The following SH3KBP1 variants were observed in gnomAD, a reference collection of about 807,000 sequenced individuals.
SH3KBP1 encodes the protein SH3 domain containing kinase binding protein 1.
SH3KBP1 carries 8 observed loss-of-function variants against 50.1 expected under a neutral mutation model. The observed-to-expected ratio is 0.16, with a 90% CI of 0.09 to 0.29. The LOEUF is 0.29. Among genes scored for constraint, SH3KBP1 ranks in the 10% least tolerant of loss-of-function variants. The probability of loss-of-function intolerance (pLI) is 1.00; values close to 1 mark genes in which losing one functional copy is unlikely to be tolerated. For missense variants in SH3KBP1, 377 were observed against 535.2 expected (o/e 0.70, Z 2.92); for synonymous variants, 227 against 218.6 (o/e 1.04, Z -0.34).
At chrX:19,833,264 G>C (rs1365536746) in intron 2 of SH3KBP1, among the ~76,000 whole-genome samples, 2 of 93,502 alleles carry the variant, frequency 2.1e-5, no homozygotes, top group African/African-American at 8.2e-5. Context: ...TCCTTCCCAG[G>C]GTCCCCCTAC....
intron 8 of SH3KBP1, among the ~76,000 whole-genome samples, chrX:19,611,956 G>GAAAAAAAAAAAAAAAAAAAA (rs3036638): frequency 5.3e-5 from 2 of 38,051 alleles, no homozygotes; most frequent in African/African-American, 2.0e-4. Flanking sequence ...AGCAGAAGTA[G>GAAAAAAAAAAAAAAAAAAAA]AAAAAAAAAA....
chrX:19,630,042 A>G (rs1381246357), intron 8 of SH3KBP1, among the ~76,000 whole-genome samples: 3 of 112,198 alleles, frequency 2.7e-5, no homozygotes, highest in Non-Finnish European at 5.6e-5. Flanking sequence ...AATCATCAAG[A>G]TGAATGTGTT....
intron 15 of SH3KBP1, among the ~76,000 whole-genome samples, chrX:19,543,819 G>T (rs1437957945): frequency 9.0e-6 from 1 of 111,532 alleles, no homozygotes; most frequent in African/African-American, 3.3e-5. Context: ...GGCCGAGGAA[G>T]AAGGACAGTC....
At chrX:19,595,478 G>A (rs1387744741) in intron 9 of SH3KBP1, among the ~76,000 whole-genome samples, 4 of 112,593 alleles carry the variant, frequency 3.6e-5, no homozygotes, top group African/African-American at 1.3e-4. Context: ...CAAGCCTTCT[G>A]CCCCTTTCTA....
At chrX:19,730,818 C>T (rs1038850505) in intron 3 of SH3KBP1, among the ~76,000 whole-genome samples, 2 of 111,960 alleles carry the variant, frequency 1.8e-5, no homozygotes, top group African/African-American at 6.5e-5. Flanking sequence ...AGGAAAAGCC[C>T]AGAAATGAAG....
chrX:19,656,704 T>C (rs1489471830), intron 6 of SH3KBP1, among the ~76,000 whole-genome samples: 1 of 111,892 alleles, frequency 8.9e-6, no homozygotes, highest in East Asian at 2.8e-4. Flanking sequence ...ACAGTGCAGG[T>C]GTCTCTCAGT....
chrX:19,853,818 C>T (rs1050455800), intron 1 of SH3KBP1, among the ~76,000 whole-genome samples: 4 of 110,229 alleles, frequency 3.6e-5, no homozygotes, highest in African/African-American at 1.3e-4. Flanking sequence ...CAAAATTAGC[C>T]GGGCGTGGTG....
At chrX:19,751,584 A>G (rs1451305658) in intron 2 of SH3KBP1, among the ~76,000 whole-genome samples, 1 of 111,888 alleles carries the variant, frequency 8.9e-6, no homozygotes, top group Non-Finnish European at 1.9e-5. Context: ...GCTTCTCTTT[A>G]TCTCAGATCT....
At chrX:19,649,016 C>A (rs1251501075) in intron 6 of SH3KBP1, among the ~76,000 whole-genome samples, 1 of 111,799 alleles carries the variant, frequency 8.9e-6, no homozygotes, top group African/African-American at 3.3e-5. Flanking sequence ...AACTGAAGGT[C>A]AGCTACACTG....
intron 6 of SH3KBP1, among the ~76,000 whole-genome samples, chrX:19,678,973 C>G (rs1267905516): frequency 8.9e-6 from 1 of 111,765 alleles, no homozygotes; most frequent in Non-Finnish European, 1.9e-5. Flanking sequence ...AGCCTCTACA[C>G]ATCATCTGTG....
chrX:19,769,136 G>A (rs1215183731), intron 2 of SH3KBP1, among the ~76,000 whole-genome samples: 2 of 96,165 alleles, frequency 2.1e-5, no homozygotes, highest in Non-Finnish European at 4.0e-5. Context: ...CTAGAGTACA[G>A]AGCAGTGGCT....
chrX:19,706,764 C>T, intron 4 of SH3KBP1, 117 bp downstream of exon 4: 1 of 525,123 alleles, frequency 1.9e-6, no homozygotes. Context: ...ACTAGAGGAT[C>T]CCTAACTTCA....
chrX:19,856,204 T>C (rs1234290272), intron 1 of SH3KBP1, among the ~76,000 whole-genome samples: 1 of 111,507 alleles, frequency 9.0e-6, no homozygotes, highest in Non-Finnish European at 1.9e-5. Flanking sequence ...AAAACAAAAT[T>C]AACTTCAGAG....
At chrX:19,765,873 AGC>A (rs2065589372) in intron 2 of SH3KBP1, among the ~76,000 whole-genome samples, 1 of 111,963 alleles carries the variant, frequency 8.9e-6, no homozygotes, top group African/African-American at 3.3e-5. Context: ...ACCGCATTGT[AGC>A]ATGTGTCAGA....
intron 5 of SH3KBP1, among the ~76,000 whole-genome samples, chrX:19,690,060 CTT>C (rs1288057221): frequency 2.6e-4 from 17 of 64,381 alleles, no homozygotes; most frequent in African/African-American, 1.3e-3. Flanking sequence ...CTCTCTCTCT[CTT>C]TTTTTTTTTT....
At chrX:19,565,095 C>G (rs773732298) in intron 13 of SH3KBP1, among the ~76,000 whole-genome samples, 1 of 82,316 alleles carries the variant, frequency 1.2e-5, no homozygotes, top group Admixed American at 1.6e-4. Flanking sequence ...AAGTCTCGCT[C>G]TTGTCCCCCA....
chrX:19,674,668 T>C (rs1009144175), intron 6 of SH3KBP1, among the ~76,000 whole-genome samples: 3 of 112,494 alleles, frequency 2.7e-5, no homozygotes, highest in Non-Finnish European at 5.6e-5. Flanking sequence ...AGGTCCCAAA[T>C]TATGGCACTT....
In SH3KBP1 at chrX:19,552,075, A is replaced by G. The variant is rs908520560; in HGVS notation, c.1385-1992T>C. Among the ~76,000 whole-genome samples, 4 of 112,442 alleles carry G rather than the reference A, an allele frequency of 3.6e-5. No individual in the cohort carries two copies. The Admixed American group carries it at 3.8e-4, about 11-fold the overall frequency. ...TCTTTTCCTGTAGATAGTATAGCTC[A>G]TACTATATGTAATACTGCATTCTGC... is the stretch of plus-strand genomic sequence containing the variant. On this transcript the variant is annotated intron_variant, in intron 13 of 17. Coordinates refer to ENST00000397821, the MANE Select transcript of SH3KBP1 (RefSeq NM_031892.3).
intron 1 of SH3KBP1, among the ~76,000 whole-genome samples, chrX:19,845,581 C>T (rs955926890): frequency 7.2e-5 from 8 of 110,542 alleles, no homozygotes; most frequent in Admixed American, 9.6e-5. Context: ...ACAACAATCA[C>T]GGAGGGGAAA....
Sources: allele counts gnomAD v4.1 joint callset (sites outside exome capture counted in the v4.1 genomes callset), GRCh38; gene constraint gnomAD v4.1.1; transcripts MANE v1.5; gene names NCBI Gene and HGNC (gene_info 2026-07-23, HGNC 2026-07-21).